Variants in MYB observed in about 807,000 individuals in gnomAD.
The protein encoded by MYB is MYB proto-oncogene, transcription factor.
A neutral mutation model predicts 92.9 loss-of-function variants in MYB; 28 were observed. The observed-to-expected ratio is 0.30, with a 90% CI of 0.22 to 0.41. MYB has a LOEUF of 0.41. MYB is among the 10% of genes least tolerant of loss of function. MYB has a pLI of 1.00. For synonymous variants in MYB, 295 were observed against 329.1 expected (o/e 0.90, Z 1.12); for missense variants, 679 against 929.3 (o/e 0.73, Z 3.50).
intron 1 of MYB, among the ~76,000 whole-genome samples, chr6:135,183,063 G>C (rs1328124511): frequency 6.8e-6 from 1 of 146,920 alleles, no homozygotes; most frequent in Admixed American, 6.7e-5. Flanking sequence ...GGAGGGAGTC[G>C]GGCAGGGGTG....
chr6:135,186,076 A>G, intron 2 of MYB, 56 bp downstream of exon 2: 1 of 1,503,532 alleles, frequency 6.7e-7, no homozygotes. Context: ...AATTTATAAA[A>G]AACAAAATTT....
intron 3 of MYB, among the ~76,000 whole-genome samples, chr6:135,188,521 G>T (rs210795): frequency 0.45 from 60,654 of 135,908 alleles, 12,631 homozygotes; most frequent in African/African-American, 0.51. Context: ...TTTGTTTTTT[G>T]TTTTTTGAGA....
rs1562375337 is a variant in MYB at position 135,195,774 on chromosome 6, C to CGGGT, written c.978_981dup (p.His328ValfsTer40). The CGGGT allele has an allele frequency of 6.2e-7, 1 of 1,614,138 alleles. No homozygotes were observed. Among genetic ancestry groups the CGGGT allele is most frequent in the Non-Finnish European group, 8.5e-7 (1 of 1,180,014 alleles). The stretch of plus-strand genomic sequence containing the variant: ...CACAGAACCACACATGCAGCTACCC[C>CGGGT]GGGTGGCACAGCACCACCATTGCCG... On this transcript the variant is annotated frameshift_variant, in exon 9 of 16. Transcript: ENST00000341911. LOFTEE classifies it high-confidence loss of function.
Position 135,182,629 on chromosome 6 carries a change from G to T in MYB, c.23+1093G>T, listed in dbSNP as rs1360528663. ...GCCGCCTTAGGTCGCCCCGGCCGAG[G>T]CGCGGTGACCGGACAGACCCTCGCG... On this transcript the variant is annotated intron_variant, in intron 1 of 15. Coordinates refer to ENST00000341911, the MANE Select transcript of MYB (RefSeq NM_001130173.2). The surrounding 1 kb of genome is among the most constrained non-coding windows in gnomAD (Gnocchi z 5.6). 1.3e-5 allele frequency among the ~76,000 whole-genome samples: 2 copies of T among 152,238 alleles called. No individual in the cohort carries two copies. The highest frequency in any genetic ancestry group is 2.9e-5 in the Non-Finnish European group (2 of 68,040).
intron 6 of MYB, 26 bp downstream of exon 6, chr6:135,192,584 T>C: frequency 6.3e-7 from 1 of 1,595,036 alleles, no homozygotes; most frequent in South Asian, 1.1e-5. Flanking sequence ...GAATCTAGTT[T>C]AATGAGAGAG....
In MYB at chr6:135,182,148, A is replaced by G. The variant is rs1167935950; in HGVS notation, c.23+612A>G. Among the ~76,000 whole-genome samples the G allele has an allele frequency of 6.6e-6, 1 of 152,130 alleles. No homozygotes were observed. The highest frequency in any genetic ancestry group is 6.5e-5 in the Admixed American group (1 of 15,282). On this transcript the variant is annotated intron_variant, in intron 1 of 15. Transcript: ENST00000341911. This position sits in a 1 kb window ranked among gnomAD's most constrained non-coding sequence, Gnocchi z 5.6. ...AGACCTGGTTTTGGAGGTTCGAATC[A>G]TTTTTCTCTGAAAGGCTTTTACTTC...
rs1775062854 is a variant in MYB, at chr6:135,181,696, C to G, written c.23+160C>G. ...CCTGCCTCGGCAGCAGAAGCCGCTCCAGAGACTGATGAATGGAAGAGTCTT... is the reference window on the plus strand; with the variant it reads ...CCTGCCTCGGCAGCAGAAGCCGCTCGAGAGACTGATGAATGGAAGAGTCTT... On this transcript the variant is annotated intron_variant, in intron 1 of 15. Transcript: ENST00000341911. This position sits in a 1 kb window ranked among gnomAD's most constrained non-coding sequence, Gnocchi z 5.3. Among the ~76,000 whole-genome samples, 1 of 152,228 alleles carries G rather than the reference C, an allele frequency of 6.6e-6. No individual in the cohort carries two copies. Among genetic ancestry groups the G allele is most frequent in the African/African-American group, 2.4e-5 (1 of 41,466 alleles).
chr6:135,203,954 G>A (rs1778499654), intron 15 of MYB: 1 of 1,083,266 alleles, frequency 9.2e-7, no homozygotes, highest in Admixed American at 4.7e-5. Context: ...TGAGCCAAAT[G>A]TAAATAAGAA....
At position 135,196,056 on chromosome 6, in the gene MYB, C is replaced by T. The variant is rs1777249896; in HGVS notation, c.1203+54C>T. 7 of 1,562,626 alleles carry T rather than the reference C, an allele frequency of 4.5e-6. No individual in the cohort carries two copies. The South Asian group carries it at 7.9e-5, about 18-fold the overall frequency. ...GATTCTGGAAGATAAATTAGAAAAC[C>T]CATTTCTTAAATCATTGCCATTTTC... is the stretch of plus-strand genomic sequence containing the variant. On this transcript the variant is annotated intron_variant, in intron 9 of 15. Coordinates refer to ENST00000341911, the MANE Select transcript of MYB (RefSeq NM_001130173.2).
intron 11 of MYB, among the ~76,000 whole-genome samples, chr6:135,199,777 G>T (rs556302769): frequency 1.3e-5 from 2 of 152,270 alleles, no homozygotes; most frequent in Admixed American, 6.5e-5. Context: ...AATGACATCA[G>T]GTCTTCTTGA....
Position 135,217,864 on chromosome 6 carries a change from C to G in MYB, c.2170C>G (p.Pro724Ala). 1.2e-6 allele frequency: 2 copies of G among 1,600,036 alleles called. No individual in the cohort carries two copies. The highest frequency in any genetic ancestry group is 1.7e-6 in the Non-Finnish European group (2 of 1,167,286). ...KNRSLASPLQ[P>A]CSSTWEPASC... The stretch of plus-strand genomic sequence containing the variant: ...CTGTTGCCATCCCTTTCTCCATCAG[C>G]CTTGTAGCAGTACCTGGGAACCTGC... Residue 724 changes from proline (P) to alanine (A), a missense_variant and splice_region_variant, in exon 16 of 16, where the codon CCT (proline) becomes GCT (alanine). By Grantham distance (27) the Pro-to-Ala change is conservative. Transcript: ENST00000341911.
chr6:135,189,704 T>C, intron 3 of MYB, 87 bp from the exon 4 acceptor site: 1 of 1,001,886 alleles, frequency 1.0e-6, no homozygotes, highest in Non-Finnish European at 1.5e-6. Flanking sequence ...TCACTGCATA[T>C]GGTCTATGTG....
At chr6:135,202,934 A>T in intron 14 of MYB, 1 of 644,434 alleles carries the variant, frequency 1.6e-6, no homozygotes, top group Non-Finnish European at 2.9e-6. Flanking sequence ...TGTATTTATT[A>T]ATTCATTTAG....
intron 15 of MYB, among the ~76,000 whole-genome samples, chr6:135,213,107 C>T (rs541474342): frequency 5.8e-4 from 89 of 152,278 alleles, no homozygotes; most frequent in African/African-American, 2.1e-3. Context: ...CTCGCTCATG[C>T]TTGGTGGCCT....
intron 5 of MYB, among the ~76,000 whole-genome samples, chr6:135,191,707 G>A (rs1583279883): frequency 6.6e-6 from 1 of 152,142 alleles, no homozygotes; most frequent in Admixed American, 6.5e-5. Context: ...GTAAAAATGC[G>A]TTGCCTTTTG....
chr6:135,203,358 T>G, intron 15 of MYB, 34 bp downstream of exon 15: 1 of 1,476,602 alleles, frequency 6.8e-7, no homozygotes, highest in Non-Finnish European at 9.5e-7. Context: ...ATTTTAAAAT[T>G]CATTCACTGA....
chr6:135,206,363 A>G (rs1778923345), intron 15 of MYB, among the ~76,000 whole-genome samples: 1 of 151,328 alleles, frequency 6.6e-6, no homozygotes, highest in African/African-American at 2.4e-5. Context: ...ATACCCCTGC[A>G]CTCTAGCCTG....
chr6:135,205,875 G>A (rs148666729), intron 15 of MYB, among the ~76,000 whole-genome samples: 7,849 of 152,204 alleles, frequency 0.052, 682 homozygotes, highest in African/African-American at 0.17. Context: ...TTTGAGACCA[G>A]CCTGGGCAAC....
In MYB at chr6:135,218,391, T is replaced by C. The variant is rs929201056; in HGVS notation, c.*411T>C. The C allele has an allele frequency of 4.5e-6, 1 of 222,930 alleles. No homozygotes were observed. Among genetic ancestry groups the C allele is most frequent in the Non-Finnish European group, 8.9e-6 (1 of 112,116 alleles). The allele number at this position is 222,930 out of a possible 1,614,324, so 13.8% of individuals were successfully genotyped here. A position where few individuals can be genotyped will look rare whatever the true frequency, so the allele number is the denominator to read the frequency against. On this transcript the variant is annotated 3_prime_UTR_variant, in exon 16 of 16. Transcript: ENST00000341911. ...TTCTCGATCACTAAACATATGCATA[T>C]ATTTTTAAAAATCAGTAAAAGCATT...
Sources: allele counts gnomAD v4.1 joint callset (sites outside exome capture counted in the v4.1 genomes callset), GRCh38; gene constraint gnomAD v4.1.1; non-coding constraint Gnocchi (gnomAD v3.1); transcripts MANE v1.5; gene names NCBI Gene and HGNC (gene_info 2026-07-23, HGNC 2026-07-21).